KCTD3: variants seen among roughly 807,000 people sequenced by gnomAD.
KCTD3 encodes the protein BTB/POZ domain-containing protein KCTD3.
A neutral mutation model predicts 85.8 loss-of-function variants in KCTD3; 41 were observed. The observed-to-expected ratio is 0.48, with a 90% CI of 0.37 to 0.62. KCTD3 has a LOEUF of 0.62. Among genes scored for constraint, KCTD3 ranks in the 20% least tolerant of loss-of-function variants. The probability of loss-of-function intolerance (pLI) is 0.00; values close to 1 mark genes in which losing one functional copy is unlikely to be tolerated. For missense variants in KCTD3, 724 were observed against 989.9 expected, an observed-to-expected ratio of 0.73 and a Z score of 3.60; for synonymous variants, 338 against 345.4, an observed-to-expected ratio of 0.98 and a Z score of 0.24.
chr1:215,605,911 A>G (rs1162322806), intron 13 of KCTD3, among the ~76,000 whole-genome samples: 1 of 152,114 alleles, frequency 6.6e-6, no homozygotes, highest in Non-Finnish European at 1.5e-5. Context: ...TAACTTCTCA[A>G]CTTTTCCCTC....
At chr1:215,604,697 C>CA (rs2102593574) in intron 13 of KCTD3, among the ~76,000 whole-genome samples, 1 of 144,924 alleles carries the variant, frequency 6.9e-6, no homozygotes, top group East Asian at 2.0e-4. Flanking sequence ...TATCTTATTG[C>CA]AAAATATTTA....
Position 215,567,660 on chromosome 1 carries a change from G to T in KCTD3, c.-26G>T. The T allele has an allele frequency of 8.2e-7, 1 of 1,226,222 alleles. No homozygotes were observed. The highest frequency in any genetic ancestry group is 1.0e-6 in the Non-Finnish European group (1 of 980,426). 76.0% of individuals were successfully genotyped at this position (1,226,222 alleles called of 1,614,324 possible). A position where few individuals can be genotyped will look rare whatever the true frequency, so the allele number is the denominator to read the frequency against. On this transcript the variant is annotated 5_prime_UTR_variant, in exon 1 of 18. Transcript: ENST00000259154. ...GCGGTCCCGGCTGGGGAAGGAGGGC[G>T]GCGAGCGCGTCCGGAGCCGCCGGAG...
intron 10 of KCTD3, among the ~76,000 whole-genome samples, chr1:215,598,866 T>C (rs975691082): frequency 2.0e-5 from 3 of 152,138 alleles, no homozygotes; most frequent in African/African-American, 7.2e-5. Flanking sequence ...AGGAACAGAC[T>C]AGAGGAGCCA....
chr1:215,583,005 A>G (rs1021476495), intron 8 of KCTD3, among the ~76,000 whole-genome samples: 16 of 152,206 alleles, frequency 1.1e-4, no homozygotes, highest in African/African-American at 3.9e-4. Context: ...ATTTTTAAAT[A>G]TGCTGTCCTG....
intron 9 of KCTD3, among the ~76,000 whole-genome samples, chr1:215,594,687 ATGTCT>A (rs1389812779): frequency 1.3e-5 from 2 of 152,092 alleles, no homozygotes; most frequent in South Asian, 4.1e-4. Flanking sequence ...GTTCTTAGTA[ATGTCT>A]TGTCTTCTCG....
intron 14 of KCTD3, among the ~76,000 whole-genome samples, chr1:215,608,699 C>T (rs1323646009): frequency 2.0e-5 from 3 of 151,908 alleles, no homozygotes; most frequent in African/African-American, 7.2e-5. Flanking sequence ...TGCACATGGG[C>T]ACTCACACAT....
rs1437631784 is a variant in KCTD3 at position 215,611,926 on chromosome 1, C to T, written c.1562+5C>T. 1.3e-6 allele frequency: 2 copies of T among 1,563,506 alleles called. No homozygotes were observed. Among genetic ancestry groups the T allele is most frequent in the East Asian group, 2.2e-5 (1 of 44,596 alleles). ...ACTCTCATCGACTGGAAAAAGGTAA[C>T]ACTTTATTGTAAAAATATTTGTATT... is the stretch of plus-strand genomic sequence containing the variant. On this transcript the variant is annotated splice_donor_5th_base_variant and intron_variant, in intron 15 of 17. Transcript: ENST00000259154.
intron 9 of KCTD3, among the ~76,000 whole-genome samples, chr1:215,593,326 T>G (rs2102579806): frequency 6.6e-6 from 1 of 152,314 alleles, no homozygotes; most frequent in Admixed American, 6.5e-5. Context: ...TAAATATGGA[T>G]TTTATACATA....
At chr1:215,611,803 A>T in intron 14 of KCTD3, 22 bp from the exon 15 acceptor site, 1 of 1,468,828 alleles carries the variant, frequency 6.8e-7, no homozygotes. Context: ...TAATTTTTTG[A>T]CATTTTTGTT....
At chr1:215,606,259 A>G (rs1181638194) in intron 13 of KCTD3, among the ~76,000 whole-genome samples, 5 of 152,254 alleles carry the variant, frequency 3.3e-5, no homozygotes, top group African/African-American at 7.2e-5. Flanking sequence ...GCCCTTCTCA[A>G]TGAGTGCCCC....
intron 9 of KCTD3, among the ~76,000 whole-genome samples, chr1:215,594,988 A>G (rs1660360347): frequency 6.6e-6 from 1 of 152,168 alleles, no homozygotes. Flanking sequence ...ATTTTGTAAC[A>G]ATACAGTGGG....
intron 14 of KCTD3, among the ~76,000 whole-genome samples, chr1:215,611,225 A>T (rs1000159114): frequency 4.6e-5 from 7 of 152,016 alleles, no homozygotes; most frequent in African/African-American, 1.7e-4. Context: ...TTCAGGGTGC[A>T]ACTCAGTAGT....
chr1:215,621,781 T>A lies in KCTD3; in HGVS notation c.*1163T>A. On this transcript the variant is annotated 3_prime_UTR_variant, in exon 18 of 18. Transcript: ENST00000259154. ...AGTTCTCTTGTATTTATTTATCAAT[T>A]AAATCAAATAAAAATGATTATGTCA... The A allele has an allele frequency of 6.6e-6, 1 of 152,656 alleles. No individual in the cohort carries two copies. 9.5% of individuals were successfully genotyped at this position (152,656 alleles called of 1,614,324 possible). A position where few individuals can be genotyped will look rare whatever the true frequency, so the allele number is the denominator to read the frequency against.
At chr1:215,618,540 A>AT (rs1312330442) in intron 15 of KCTD3, 1 of 186,492 alleles carries the variant, frequency 5.4e-6, no homozygotes, top group East Asian at 1.6e-4. Flanking sequence ...TGGAACAATC[A>AT]TTTGCTGATG....
intron 1 of KCTD3, among the ~76,000 whole-genome samples, chr1:215,569,595 T>G (rs964479618): frequency 6.3e-5 from 9 of 143,974 alleles, no homozygotes; most frequent in Non-Finnish European, 1.4e-4. Context: ...CACTGTAACT[T>G]TTTTTTTTTT....
At chr1:215,611,652 C>T (rs1173894686) in intron 14 of KCTD3, among the ~76,000 whole-genome samples, 173 bp from the exon 15 acceptor site, 1 of 151,762 alleles carries the variant, frequency 6.6e-6, no homozygotes, top group Non-Finnish European at 1.5e-5. Context: ...TGTTCTAATG[C>T]AAATTGAAGT....
intron 10 of KCTD3, among the ~76,000 whole-genome samples, chr1:215,598,979 ATG>A (rs2102586700): frequency 1.3e-5 from 2 of 152,344 alleles, no homozygotes; most frequent in African/African-American, 4.8e-5. Context: ...GAATGTTTAA[ATG>A]TGCTATAATA....
At chr1:215,597,150 G>C (rs760777568) in intron 10 of KCTD3, among the ~76,000 whole-genome samples, 1 of 150,904 alleles carries the variant, frequency 6.6e-6, no homozygotes, top group Non-Finnish European at 1.5e-5. Flanking sequence ...AAAGTTTTTT[G>C]CAAAATCATC....
chr1:215,614,030 T>TG (rs1181136836), intron 15 of KCTD3, among the ~76,000 whole-genome samples: 45 of 132,586 alleles, frequency 3.4e-4, no homozygotes, highest in African/African-American at 1.3e-3. Flanking sequence ...TTTTTTTTTT[T>TG]TTTTTTTTTT....
Sources: allele counts gnomAD v4.1 joint callset (sites outside exome capture counted in the v4.1 genomes callset), GRCh38; gene constraint gnomAD v4.1.1; transcripts MANE v1.5; gene names NCBI Gene and HGNC (gene_info 2026-07-23, HGNC 2026-07-21).